CENPF: variants seen among roughly 807,000 people sequenced by gnomAD.
CENPF encodes the protein AH antigen.
In CENPF, 214 loss-of-function variants were observed where a neutral mutation model predicts 307.3. That is an observed-to-expected ratio of 0.70 (90% CI 0.62 to 0.78). The LOEUF (loss-of-function observed/expected upper bound fraction) is 0.78. CENPF is among the 30% of genes least tolerant of loss of function. CENPF has a pLI of 0.00. For missense variants in CENPF, 3,401 were observed against 3,483.9 expected (o/e 0.98, Z 0.60); for synonymous variants, 1,259 against 1,270.6 (o/e 0.99, Z 0.19).
chr1:214,642,516 T>G lies in CENPF; in HGVS notation c.4178T>G (p.Leu1393Trp). The change falls in exon 12 of 20, where the codon TTG becomes TGG. Residue 1393 changes from leucine to tryptophan, a missense_variant. Coordinates refer to ENST00000366955, the MANE Select transcript of CENPF (RefSeq NM_016343.4). Reference protein sequence around the residue: ...PLDESNSYEHLTLSDKEVQMH... With the variant: ...PLDESNSYEHWTLSDKEVQMH... ...GACGAGAGTAATTCCTACGAGCACT[T>G]GACATTGTCAGACAAAGAAGTTCAA... The G allele has an allele frequency of 6.2e-7, 1 of 1,612,246 alleles. No individual in the cohort carries two copies. The highest frequency in any genetic ancestry group is 8.5e-7 in the Non-Finnish European group (1 of 1,179,142).
chr1:214,622,397 A>G lies in CENPF; in HGVS notation c.1068+116A>G, dbSNP rs990911260. On this transcript the variant is annotated intron_variant, in intron 7 of 19. Coordinates refer to ENST00000366955, the MANE Select transcript of CENPF (RefSeq NM_016343.4). The stretch of plus-strand genomic sequence containing the variant: ...TCAGTAATGTTCTTTGTTAATATAT[A>G]TTAGGTACTCTTGATGCAACTGAAC... 2.3e-5 allele frequency: 20 copies of G among 883,394 alleles called. No individual in the cohort carries two copies. In the South Asian group the frequency reaches 3.3e-4, roughly 15 times the overall value. 54.7% of individuals were successfully genotyped at this position (883,394 alleles called of 1,614,324 possible). A position where few individuals can be genotyped will look rare whatever the true frequency, so the allele number is the denominator to read the frequency against.
rs960043640 is a variant in CENPF, at chr1:214,638,130, C to T, written c.1582+129C>T. The T allele has an allele frequency of 6.3e-6, 6 of 954,400 alleles. No homozygotes were observed. In the South Asian group the frequency reaches 1.2e-4, roughly 19 times the overall value. 59.1% of individuals were successfully genotyped at this position (954,400 alleles called of 1,614,324 possible). ...ATATATTCCCTCAAAAAGATGTGCG[C>T]AGTTGATGTGGAAGAGTTTTCCCTC... On this transcript the variant is annotated intron_variant, in intron 11 of 19. Transcript: ENST00000366955.
rs199963832 is a variant in CENPF, at chr1:214,616,934, A to ACCCT, written c.360-1626_360-1623dup. Among the ~76,000 whole-genome samples the ACCCT allele has an allele frequency of 1.7e-3, 75 of 43,746 alleles. 4 individuals are homozygous for ACCCT. The highest frequency in any genetic ancestry group is 5.0e-3 in the African/African-American group (70 of 14,130). The allele number at this position is 43,746 out of a possible 152,430, so 28.7% of individuals were successfully genotyped here. On this transcript the variant is annotated intron_variant, in intron 3 of 19. Coordinates refer to ENST00000366955, the MANE Select transcript of CENPF (RefSeq NM_016343.4). ...CTTTCTTTCTTTCTTCTTTCTTTCC[A>ACCCT]CCCTCCCTCCCTCCCTTCCTTCCTT...
Position 214,664,136 on chromosome 1 carries a change from C to T in CENPF, c.*342C>T, listed in dbSNP as rs2102428188. The T allele has an allele frequency of 5.7e-6, 1 of 176,084 alleles. No homozygotes were observed. The highest frequency in any genetic ancestry group is 1.5e-4 in the East Asian group (1 of 6,486). 10.9% of individuals were successfully genotyped at this position (176,084 alleles called of 1,614,324 possible). ...TTTTACACTAAAAAAATGCAAAACA[C>T]ATTTTATTCTTCTAATTAACAGCTC... On this transcript the variant is annotated 3_prime_UTR_variant, in exon 20 of 20. Coordinates refer to ENST00000366955, the MANE Select transcript of CENPF (RefSeq NM_016343.4).
At position 214,644,812 on chromosome 1, in the gene CENPF, G is replaced by A. The variant is rs146063444; in HGVS notation, c.5242G>A (p.Glu1748Lys). ...KTQGSSECIS[E>K]LSFSGPNALV... Reference sequence around the variant, plus strand: ...CCAGGGCTCTTCAGAATGCATTTCTGAATTGTCATTTTCTGGTCCTAATGC... The same window carrying A: ...CCAGGGCTCTTCAGAATGCATTTCTAAATTGTCATTTTCTGGTCCTAATGC... Residue 1748 changes from glutamate (E) to lysine (K), a missense_variant, in exon 13 of 20, where the codon GAA becomes AAA. Glu to Lys is a moderately conservative substitution (Grantham distance 56). Transcript: ENST00000366955. The A allele has an allele frequency of 2.4e-5, 38 of 1,614,010 alleles. No individual in the cohort carries two copies. The African/African-American group carries it at 3.6e-4, about 15-fold the overall frequency.
chr1:214,629,308 G>T (rs926598519), intron 8 of CENPF, 137 bp downstream of exon 8: 8 of 803,258 alleles, frequency 1.0e-5, no homozygotes, highest in Non-Finnish European at 1.5e-5. Flanking sequence ...TGAGCTAAAG[G>T]TCATCTTATT....
intron 8 of CENPF, among the ~76,000 whole-genome samples, chr1:214,629,515 A>G (rs1417053574): frequency 2.0e-5 from 3 of 151,764 alleles, no homozygotes; most frequent in African/African-American, 7.3e-5. Flanking sequence ...GTAGGCTTTT[A>G]AAATTTTTTT....
chr1:214,641,707 C>A lies in CENPF; in HGVS notation c.3369C>A (p.Ser1123Arg). Residue 1123 changes from serine to arginine, a missense_variant, in exon 12 of 20, where the codon AGC becomes AGA. Physicochemically the swap from Ser to Arg is moderately radical, Grantham distance 110 (BLOSUM62 -1). Transcript: ENST00000366955. ...CAGATAACCAAAACAATTCTAAGAG[C>A]GAGGCTGGTGGTTTAAAGCAAGAAA... Reference protein sequence around the residue: ...EMTDNQNNSKSEAGGLKQEIM... With the variant: ...EMTDNQNNSKREAGGLKQEIM... 3 of 1,579,452 alleles carry A rather than the reference C, an allele frequency of 1.9e-6. No individual in the cohort carries two copies. The South Asian group carries it at 3.5e-5, about 19-fold the overall frequency.
intron 16 of CENPF, chr1:214,653,754 C>T (rs1658554407): frequency 6.6e-6 from 1 of 151,960 alleles, no homozygotes; most frequent in African/African-American, 2.4e-5. Context: ...TCTTATACAA[C>T]TATCAAGGTA....
chr1:214,653,084 T>C (rs1658533951), intron 16 of CENPF, 95 bp downstream of exon 16: 1 of 1,260,132 alleles, frequency 7.9e-7, no homozygotes, highest in East Asian at 2.4e-5. Context: ...ATTTTCATTT[T>C]ATGAAAATTT....
intron 11 of CENPF, 35 bp from the exon 12 acceptor site, chr1:214,639,886 A>T (rs1658059019): frequency 7.0e-7 from 1 of 1,421,002 alleles, no homozygotes; most frequent in African/African-American, 1.5e-5. Flanking sequence ...AACATTTATT[A>T]CAAACATTGA....
intron 1 of CENPF, among the ~76,000 whole-genome samples, chr1:214,607,418 C>T (rs1463723688): frequency 2.6e-5 from 4 of 152,182 alleles, no homozygotes; most frequent in Non-Finnish European, 5.9e-5. Flanking sequence ...CCGAGGAAGT[C>T]GCATGAAGTG....
In CENPF at chr1:214,619,165, A is replaced by G. The variant is rs1218626968; in HGVS notation, c.518A>G (p.Lys173Arg). ...KYEDLKEKYNKEVEERKRLEA... is the reference protein window; with the variant it reads ...KYEDLKEKYNREVEERKRLEA... Reference sequence around the variant, plus strand: ...GAAGATCTAAAAGAAAAATATAATAAAGAGGTTGAAGAACGAAAAAGATTA... The same window carrying G: ...GAAGATCTAAAAGAAAAATATAATAGAGAGGTTGAAGAACGAAAAAGATTA... The change falls in exon 5 of 20, where the codon AAA (lysine) becomes AGA (arginine). Residue 173 changes from lysine to arginine, a missense_variant. Physicochemically the swap from Lys to Arg is conservative, Grantham distance 26 (BLOSUM62 2). Coordinates refer to ENST00000366955, the MANE Select transcript of CENPF (RefSeq NM_016343.4). The G allele has an allele frequency of 1.9e-6, 3 of 1,580,206 alleles. No homozygotes were observed. The highest frequency in any genetic ancestry group is 1.7e-5 in the Admixed American group (1 of 57,800).
At chr1:214,632,096 T>C (rs1352867995) in intron 9 of CENPF, among the ~76,000 whole-genome samples, 1 of 152,242 alleles carries the variant, frequency 6.6e-6, no homozygotes, top group Non-Finnish European at 1.5e-5. Flanking sequence ...GCGCTGTATA[T>C]GTTGTATTAC....
At chr1:214,610,876 G>T (rs776534561) in intron 1 of CENPF, among the ~76,000 whole-genome samples, 1 of 152,128 alleles carries the variant, frequency 6.6e-6, no homozygotes, top group Non-Finnish European at 1.5e-5. Flanking sequence ...TGTAAGGAGG[G>T]GGTCCAGTTT....
rs371989257 is a variant in CENPF, at chr1:214,644,876, T to C, written c.5306T>C (p.Ile1769Thr). Residue 1769 changes from isoleucine (I) to threonine (T), a missense_variant, in exon 13 of 20, where the codon ATC becomes ACC. Physicochemically the swap from Ile to Thr is moderately conservative, Grantham distance 89. Transcript: ENST00000366955. ...GATTTCCTGGGGAATCAGGAAGATA[T>C]CCATAATCTTCAACTGCGGGTAAAA... ...PMDFLGNQED[I>T]HNLQLRVKET... The C allele has an allele frequency of 9.7e-5, 157 of 1,613,924 alleles. No homozygotes were observed. The highest frequency in any genetic ancestry group is 2.1e-4 in the South Asian group (19 of 91,076).
At chr1:214,652,192 C>G (rs1037341781) in intron 15 of CENPF, among the ~76,000 whole-genome samples, 1 of 150,948 alleles carries the variant, frequency 6.6e-6, no homozygotes, top group Non-Finnish European at 1.5e-5. Flanking sequence ...CCCGCCACCA[C>G]GCCCGGCTAA....
Position 214,608,197 on chromosome 1 carries a change from G to C in CENPF, c.-42+4876G>C, listed in dbSNP as rs2102524416. The C allele has an allele frequency of 4.7e-6, 5 of 1,072,156 alleles. No homozygotes were observed. The East Asian group carries it at 1.3e-4, about 28-fold the overall frequency. The allele number at this position is 1,072,156 out of a possible 1,614,324, so 66.4% of individuals were successfully genotyped here. ...GGCTCTCTGGCCCTGTGCATCCACTGTGGCTCCCCTCCTGCAGAGCCGCCC... is the reference window on the plus strand; with the variant it reads ...GGCTCTCTGGCCCTGTGCATCCACTCTGGCTCCCCTCCTGCAGAGCCGCCC... On this transcript the variant is annotated intron_variant, in intron 1 of 19. Transcript: ENST00000366955.
intron 10 of CENPF, among the ~76,000 whole-genome samples, chr1:214,635,535 T>C (rs935009608): frequency 6.6e-6 from 1 of 152,204 alleles, no homozygotes; most frequent in African/African-American, 2.4e-5. Context: ...GATAATGAGA[T>C]ACCCAATCAA....
Sources: gnomAD v4.1 joint callset for allele counts (sites outside exome capture counted in the v4.1 genomes callset) on GRCh38, gnomAD v4.1.1 for gene constraint, MANE v1.5 for transcripts, NCBI Gene and HGNC (gene_info 2026-07-23, HGNC 2026-07-21) for gene names.